CABIN1: variants seen among roughly 807,000 people sequenced by gnomAD.
CABIN1 encodes calcineurin-binding protein cabin-1.
A neutral mutation model predicts 227.7 loss-of-function variants in CABIN1; 133 were observed. The ratio of observed to expected loss-of-function variants is 0.58; its 90% confidence interval spans 0.51 to 0.67. CABIN1 has a LOEUF of 0.67. CABIN1 is among the 30% of genes least tolerant of loss of function. The pLI is 0.00. For synonymous variants in CABIN1, 1,086 were observed against 1,155.1 expected, an observed-to-expected ratio of 0.94 and a Z score of 1.21; for missense variants, 2,408 against 2,852.5, an observed-to-expected ratio of 0.84 and a Z score of 3.55.
intron 22 of CABIN1, among the ~76,000 whole-genome samples, chr22:24,086,617 G>A (rs1279143002): frequency 6.6e-6 from 1 of 152,218 alleles, no homozygotes; most frequent in Non-Finnish European, 1.5e-5. Context: ...AGGACGATTG[G>A]CATGTGTGAG....
intron 2 of CABIN1, 97 bp downstream of exon 2, chr22:24,035,617 T>G (rs1023611105): frequency 6.8e-7 from 1 of 1,476,160 alleles, no homozygotes; most frequent in Admixed American, 1.7e-5. Context: ...TTCTGAAGGC[T>G]CTTATTATGG....
intron 1 of CABIN1, among the ~76,000 whole-genome samples, chr22:24,026,177 T>C (rs1285730332): frequency 6.6e-6 from 1 of 152,322 alleles, no homozygotes; most frequent in East Asian, 1.9e-4. Context: ...TCTCACTCTG[T>C]TGCCCAGGCT....
At chr22:24,014,949 G>A (rs1203835681) in intron 1 of CABIN1, among the ~76,000 whole-genome samples, 2 of 152,038 alleles carry the variant, frequency 1.3e-5, no homozygotes, top group Non-Finnish European at 2.9e-5. Context: ...ATAGATAATT[G>A]TGTTTGCTTT....
intron 26 of CABIN1, among the ~76,000 whole-genome samples, chr22:24,101,253 G>A (rs1347703662): frequency 6.6e-6 from 1 of 152,186 alleles, no homozygotes; most frequent in Non-Finnish European, 1.5e-5. Context: ...AAATCAGCTA[G>A]GATCAATTCT....
chr22:24,126,477 A>G (rs969012414), intron 28 of CABIN1, among the ~76,000 whole-genome samples: 2 of 150,050 alleles, frequency 1.3e-5, no homozygotes, highest in Admixed American at 6.6e-5. Flanking sequence ...TGTGACTAGA[A>G]TCTGCTGGAA....
rs1754337476 is a variant in CABIN1 at position 24,063,039 on chromosome 22, C to A, written c.1777C>A (p.Leu593Ile). Residue 593 changes from leucine (L) to isoleucine (I), a missense_variant, in exon 14 of 37, where the codon CTC (leucine) becomes ATC (isoleucine). Physicochemically the swap from Leu to Ile is conservative, Grantham distance 5. This residue lies in a region of CABIN1 where 1,045 missense variants were observed against 1,168.4 expected (regional missense o/e 0.89). Coordinates refer to ENST00000263119, the MANE Select transcript of CABIN1 (RefSeq NM_012295.4). ...DFPGTHCLGD[L>I]LQLSFASSQR... The stretch of plus-strand genomic sequence containing the variant: ...CCCAGGGACCCACTGCCTGGGTGAC[C>A]TCCTACAGCTGTCATTTGCCTCGTC... 1 of 1,614,036 alleles carries A rather than the reference C, an allele frequency of 6.2e-7. No individual in the cohort carries two copies. Among genetic ancestry groups the A allele is most frequent in the South Asian group, 1.1e-5 (1 of 91,090 alleles).
chr22:24,037,206 G>T (rs2036966295), intron 3 of CABIN1, among the ~76,000 whole-genome samples: 2 of 148,954 alleles, frequency 1.3e-5, no homozygotes, highest in Non-Finnish European at 3.0e-5. Context: ...GTTGCAGCGA[G>T]CTGAGATCAT....
At chr22:24,043,112 A>G in intron 6 of CABIN1, 28 bp downstream of exon 6, 9 of 1,609,296 alleles carry the variant, frequency 5.6e-6, no homozygotes, top group Non-Finnish European at 6.8e-6. Flanking sequence ...GCTTTCTTCC[A>G]TGTGCCAGTG....
intron 6 of CABIN1, among the ~76,000 whole-genome samples, chr22:24,045,324 C>A (rs556103648): frequency 3.3e-5 from 5 of 152,306 alleles, no homozygotes; most frequent in African/African-American, 1.2e-4. Flanking sequence ...CTCTTTCCAA[C>A]ACCAGGTGTG....
intron 29 of CABIN1, chr22:24,156,504 A>G (rs1429630014): frequency 6.1e-6 from 1 of 163,166 alleles, no homozygotes; most frequent in African/African-American, 2.4e-5. Flanking sequence ...CGCGAAAGCG[A>G]AAGCCGCCCG....
intron 26 of CABIN1, among the ~76,000 whole-genome samples, chr22:24,105,147 A>T (rs188653017): frequency 1.3e-5 from 2 of 152,238 alleles, no homozygotes; most frequent in East Asian, 3.9e-4. Context: ...TCTCACACTG[A>T]GTGGGGACAG....
At chr22:24,061,245 G>A (rs1017385010) in intron 12 of CABIN1, among the ~76,000 whole-genome samples, 5 of 152,204 alleles carry the variant, frequency 3.3e-5, no homozygotes, top group Non-Finnish European at 7.3e-5. Context: ...GGAGCTCAAG[G>A]GAACACAAGG....
chr22:24,165,006 A>G (rs566362432), intron 30 of CABIN1, among the ~76,000 whole-genome samples: 1 of 152,352 alleles, frequency 6.6e-6, no homozygotes, highest in South Asian at 2.1e-4. Context: ...AGGGCAGGAC[A>G]GATAACAGAG....
rs770411482 is a variant in CABIN1 at position 24,091,615 on chromosome 22, A to G, written c.3558A>G (p.Thr1186=). Reference sequence around the variant, plus strand: ...GCCGGCGCGACAGCATGCTAGAGACAGCCAAGCACTGTTTCACATCAGCAG... The same window carrying G: ...GCCGGCGCGACAGCATGCTAGAGACGGCCAAGCACTGTTTCACATCAGCAG... ...MEGRRDSMLE[T]AKHCFTSAAR... Residue 1186 remains threonine, a synonymous_variant, in exon 24 of 37, where the codon ACA becomes ACG. Transcript: ENST00000263119. 13 of 1,614,242 alleles carry G rather than the reference A, an allele frequency of 8.1e-6. No homozygotes were observed. The highest frequency in any genetic ancestry group is 1.1e-5 in the Non-Finnish European group (13 of 1,180,048).
chr22:24,122,615 G>A (rs1161233928), intron 28 of CABIN1, among the ~76,000 whole-genome samples: 1 of 152,144 alleles, frequency 6.6e-6, no homozygotes, highest in Non-Finnish European at 1.5e-5. Flanking sequence ...GGTTGAGGCA[G>A]GAGAATCGCT....
At chr22:24,077,166 C>A (rs1601941440) in intron 19 of CABIN1, among the ~76,000 whole-genome samples, 1 of 152,124 alleles carries the variant, frequency 6.6e-6, no homozygotes. Flanking sequence ...CACAACTGCA[C>A]CCTCCCTCCC....
intron 34 of CABIN1, among the ~76,000 whole-genome samples, chr22:24,174,427 C>T (rs1160333128): frequency 6.6e-6 from 1 of 152,198 alleles, no homozygotes; most frequent in African/African-American, 2.4e-5. Context: ...CCATACCCCG[C>T]CTGAGGATGG....
chr22:24,168,226 C>T (rs2046568927), intron 32 of CABIN1, among the ~76,000 whole-genome samples: 1 of 152,250 alleles, frequency 6.6e-6, no homozygotes, highest in Non-Finnish European at 1.5e-5. Context: ...GATGGATGGG[C>T]ATCTGCCCCT....
Position 24,166,932 on chromosome 22 carries a change from T to C in CABIN1, c.5301T>C (p.Thr1767=), listed in dbSNP as rs746366663. ...PTEPMDTSEA[T]VCHSDLERTP... ...AGCCCATGGACACGAGTGAGGCCAC[T>C]GTTTGCCACTCAGACTTGGAGCGGA... The change falls in exon 32 of 37, where the codon ACT becomes ACC. Residue 1767 remains threonine (T), a synonymous_variant. Transcript: ENST00000263119. 1.9e-6 allele frequency: 3 copies of C among 1,603,446 alleles called. No homozygotes were observed. The highest frequency in any genetic ancestry group is 2.6e-6 in the Non-Finnish European group (3 of 1,175,590).
Sources: allele counts gnomAD v4.1 joint callset (sites outside exome capture counted in the v4.1 genomes callset), GRCh38; gene constraint gnomAD v4.1.1; regional missense constraint gnomAD v4.1.1; transcripts MANE v1.5; gene names NCBI Gene and HGNC (gene_info 2026-07-23, HGNC 2026-07-21).